PRDM16: variants seen among roughly 807,000 people sequenced by gnomAD.
The protein encoded by PRDM16 is histone-lysine N-methyltransferase PRDM16.
PRDM16 carries 23 observed loss-of-function variants against 110.6 expected under a neutral mutation model. The ratio of observed to expected loss-of-function variants is 0.21; its 90% CI spans 0.15 to 0.29. PRDM16 has a LOEUF of 0.29. PRDM16 is among the 10% of genes least tolerant of loss of function. The pLI is 1.00. For synonymous variants in PRDM16, 799 were observed against 781.8 expected (o/e 1.02, Z -0.37); for missense variants, 1,615 against 1,794.3 (o/e 0.90, Z 1.81).
At chr1:3,415,308 T>G (rs1163286069) in intron 10 of PRDM16, among the ~76,000 whole-genome samples, 1 of 152,234 alleles carries the variant, frequency 6.6e-6, no homozygotes, top group Non-Finnish European at 1.5e-5. Context: ...GTCTCATTGC[T>G]GGGAGCCTGG....
intron 8 of PRDM16, among the ~76,000 whole-genome samples, chr1:3,405,882 C>A (rs561899743): frequency 1.3e-5 from 2 of 152,342 alleles, no homozygotes; most frequent in East Asian, 3.9e-4. Flanking sequence ...CTCCACGGCT[C>A]CCCTTGCTTC....
chr1:3,127,587 C>G (rs546677136), intron 1 of PRDM16, among the ~76,000 whole-genome samples: 9 of 152,342 alleles, frequency 5.9e-5, no homozygotes, highest in Middle Eastern at 6.8e-3. Flanking sequence ...GGAAGACTGG[C>G]TGCTAAGCAG....
chr1:3,102,551 T>C (rs939979502), intron 1 of PRDM16, among the ~76,000 whole-genome samples: 1 of 152,240 alleles, frequency 6.6e-6, no homozygotes, highest in African/African-American at 2.4e-5. Context: ...TGAAGTGTCC[T>C]GCATTTCCAT....
Position 3,404,859 on chromosome 1 carries a change from A to G in PRDM16, c.1005A>G (p.Lys335=). The G allele has an allele frequency of 6.2e-7, 1 of 1,613,270 alleles. No individual in the cohort carries two copies. Among genetic ancestry groups the G allele is most frequent in the South Asian group, 1.1e-5 (1 of 91,078 alleles). The change falls in exon 7 of 17, where the codon AAA becomes AAG. Residue 335 remains lysine (K), a synonymous_variant. Transcript: ENST00000270722. ...ACCAGATGTCCCACGACAGCGGCAA[A>G]CGCTTCGAATGTGAAAACTGCGTGA... The part of the protein sequence containing the change: ...IRHQMSHDSG[K]RFECENCVKV...
intron 3 of PRDM16, among the ~76,000 whole-genome samples, chr1:3,291,732 C>G (rs563581682): frequency 6.6e-6 from 1 of 152,262 alleles, no homozygotes; most frequent in African/African-American, 2.4e-5. Flanking sequence ...AAATGCAAGT[C>G]CCCTGAACCC....
At chr1:3,332,784 C>T (rs577408554) in intron 3 of PRDM16, among the ~76,000 whole-genome samples, 2 of 151,986 alleles carry the variant, frequency 1.3e-5, no homozygotes, top group Non-Finnish European at 2.9e-5. Context: ...CATTCTCCTC[C>T]GCCCATCCCC....
chr1:3,122,930 C>A (rs1343534615), intron 1 of PRDM16, among the ~76,000 whole-genome samples: 1 of 152,220 alleles, frequency 6.6e-6, no homozygotes, highest in Non-Finnish European at 1.5e-5. Context: ...AGGCGGAGCG[C>A]TTGCACGGGA....
At chr1:3,304,918 C>T (rs1330544242) in intron 3 of PRDM16, among the ~76,000 whole-genome samples, 1 of 152,170 alleles carries the variant, frequency 6.6e-6, no homozygotes, top group Non-Finnish European at 1.5e-5. Context: ...CCCTCCGCTG[C>T]CACCCAGGAC....
At chr1:3,398,156 G>C (rs1315937122) in intron 5 of PRDM16, among the ~76,000 whole-genome samples, 1 of 152,140 alleles carries the variant, frequency 6.6e-6, no homozygotes, top group Non-Finnish European at 1.5e-5. Context: ...AAATCTACTT[G>C]ACTTAAGGAG....
chr1:3,365,624 C>A (rs910814610), intron 3 of PRDM16, among the ~76,000 whole-genome samples: 2 of 152,238 alleles, frequency 1.3e-5, no homozygotes, highest in Admixed American at 1.3e-4. Context: ...TGCTAGGCAG[C>A]CAGCGGCCCT....
chr1:3,267,171 C>A (rs1640314816), intron 3 of PRDM16, among the ~76,000 whole-genome samples: 1 of 152,144 alleles, frequency 6.6e-6, no homozygotes, highest in South Asian at 2.1e-4. Context: ...AGCAGCCACG[C>A]CCATCCCCTC....
chr1:3,210,979 CATGAG>C (rs767450019), intron 2 of PRDM16, among the ~76,000 whole-genome samples: 7 of 152,208 alleles, frequency 4.6e-5, no homozygotes, highest in Non-Finnish European at 7.3e-5. Context: ...TCCACGCATT[CATGAG>C]ATATTTGTCT....
chr1:3,073,421 T>A (rs1641814139), intron 1 of PRDM16, among the ~76,000 whole-genome samples: 1 of 152,262 alleles, frequency 6.6e-6, no homozygotes, highest in African/African-American at 2.4e-5. Flanking sequence ...TCGTTTAAAA[T>A]TTTCAAATAG....
intron 2 of PRDM16, among the ~76,000 whole-genome samples, chr1:3,221,313 T>G (rs1325502755): frequency 1.3e-5 from 2 of 152,212 alleles, no homozygotes; most frequent in East Asian, 3.9e-4. Context: ...CTGTGTGGCC[T>G]TAAAGTCATG....
chr1:3,335,811 A>G (rs1642134351), intron 3 of PRDM16, among the ~76,000 whole-genome samples: 1 of 152,066 alleles, frequency 6.6e-6, no homozygotes, highest in Non-Finnish European at 1.5e-5. Context: ...CTCCCCTGGC[A>G]CCCCAGCCAC....
chr1:3,366,163 C>T (rs182516709), intron 3 of PRDM16, among the ~76,000 whole-genome samples: 5 of 152,344 alleles, frequency 3.3e-5, no homozygotes, highest in East Asian at 1.9e-4. Context: ...TGCCGACAGC[C>T]GGAGAACACA....
At chr1:3,115,289 G>A (rs1228377369) in intron 1 of PRDM16, among the ~76,000 whole-genome samples, 1 of 152,254 alleles carries the variant, frequency 6.6e-6, no homozygotes, top group East Asian at 1.9e-4. Flanking sequence ...CCATCAGTGG[G>A]GGCAGAGGGG....
chr1:3,225,909 A>G (rs751650434), intron 2 of PRDM16, among the ~76,000 whole-genome samples: 21 of 152,240 alleles, frequency 1.4e-4, no homozygotes, highest in African/African-American at 4.8e-4. Context: ...ATGCAAGGCC[A>G]TCTTCTTTAC....
intron 2 of PRDM16, among the ~76,000 whole-genome samples, chr1:3,222,626 C>T (rs1639183675): frequency 6.6e-6 from 1 of 152,196 alleles, no homozygotes; most frequent in Non-Finnish European, 1.5e-5. Flanking sequence ...GGGCCTGCTC[C>T]CCATCCCAGG....
Sources: gnomAD v4.1 joint callset for allele counts (sites outside exome capture counted in the v4.1 genomes callset) on GRCh38, gnomAD v4.1.1 for gene constraint, MANE v1.5 for transcripts, NCBI Gene and HGNC (gene_info 2026-07-23, HGNC 2026-07-21) for gene names.